The following SYN3 variants were observed in gnomAD, a reference collection of about 807,000 sequenced individuals.
SYN3 encodes the protein synapsin III.
SYN3 carries 35 observed loss-of-function variants against 65.8 expected under a neutral mutation model. The ratio of observed to expected loss-of-function variants is 0.53; its 90% CI spans 0.41 to 0.70. The LOEUF is 0.70. SYN3 is among the 30% of genes least tolerant of loss of function. SYN3 has a pLI of 0.00. For missense variants in SYN3, 680 were observed against 749.0 expected, an observed-to-expected ratio of 0.91 and a Z score of 1.08; for synonymous variants, 270 against 292.9, an observed-to-expected ratio of 0.92 and a Z score of 0.80.
intron 2 of SYN3, among the ~76,000 whole-genome samples, chr22:32,988,855 A>C (rs191786615): frequency 1.5e-4 from 23 of 152,166 alleles, no homozygotes; most frequent in Admixed American, 1.4e-3. Context: ...AGAGAAATGA[A>C]TGTTCCTGGG....
At chr22:32,779,186 A>G (rs755852735) in intron 6 of SYN3, among the ~76,000 whole-genome samples, 11 of 152,214 alleles carry the variant, frequency 7.2e-5, no homozygotes, top group Non-Finnish European at 1.2e-4. Flanking sequence ...CCAGCCGGGC[A>G]TGGTGGCTCA....
chr22:32,514,771 C>G (rs2057743315), intron 13 of SYN3: 1 of 152,552 alleles, frequency 6.6e-6, no homozygotes, highest in Non-Finnish European at 1.5e-5. Context: ...AATCCCAGCA[C>G]TTTGGGAGGC....
At chr22:32,738,690 G>GA (rs893049955) in intron 6 of SYN3, among the ~76,000 whole-genome samples, 42 of 152,306 alleles carry the variant, frequency 2.8e-4, no homozygotes, top group Middle Eastern at 3.4e-3. Context: ...CCAGAGAAGG[G>GA]AAAACAGAAC....
At chr22:32,687,863 G>A (rs890723238) in intron 6 of SYN3, among the ~76,000 whole-genome samples, 6 of 152,176 alleles carry the variant, frequency 3.9e-5, no homozygotes, top group African/African-American at 1.2e-4. Flanking sequence ...TGCCATGTAA[G>A]TGTCGGCTGT....
intron 13 of SYN3, among the ~76,000 whole-genome samples, chr22:32,517,039 G>A (rs2057790353): frequency 6.6e-6 from 1 of 152,212 alleles, no homozygotes; most frequent in African/African-American, 2.4e-5. Flanking sequence ...AGATGGGCCT[G>A]AGAGGAAACA....
chr22:32,557,098 G>A (rs1343353015), intron 7 of SYN3, among the ~76,000 whole-genome samples: 2 of 152,166 alleles, frequency 1.3e-5, no homozygotes. Flanking sequence ...GTTAGTTAGT[G>A]AGAGTAAGCT....
At chr22:32,886,424 G>A (rs905185957) in intron 4 of SYN3, among the ~76,000 whole-genome samples, 4 of 152,242 alleles carry the variant, frequency 2.6e-5, no homozygotes, top group Admixed American at 6.5e-5. Context: ...TTAGGATCCC[G>A]GCTCCCCCAG....
chr22:33,020,883 T>C (rs1229085153), intron 1 of SYN3, among the ~76,000 whole-genome samples: 1 of 152,192 alleles, frequency 6.6e-6, no homozygotes, highest in Non-Finnish European at 1.5e-5. Flanking sequence ...TCGAGAAAAT[T>C]ACTTAGCCTC....
intron 4 of SYN3, among the ~76,000 whole-genome samples, chr22:32,927,809 A>T (rs1457721119): frequency 6.6e-6 from 1 of 152,066 alleles, no homozygotes; most frequent in Non-Finnish European, 1.5e-5. Flanking sequence ...TCCCTTTGTG[A>T]AGGTCTGTAA....
chr22:32,667,540 G>T (rs1236361692), intron 6 of SYN3, among the ~76,000 whole-genome samples: 1 of 152,084 alleles, frequency 6.6e-6, no homozygotes, highest in African/African-American at 2.4e-5. Context: ...TAGGTTTTTG[G>T]GTAGGTCAAG....
intron 6 of SYN3, among the ~76,000 whole-genome samples, chr22:32,619,607 A>G (rs894043208): frequency 5.9e-5 from 9 of 152,152 alleles, no homozygotes; most frequent in Admixed American, 3.3e-4. Context: ...CACAGTCCCA[A>G]CTCATGTTAG....
intron 3 of SYN3, among the ~76,000 whole-genome samples, chr22:32,973,015 T>C (rs2052067754): frequency 6.6e-6 from 1 of 151,954 alleles, no homozygotes; most frequent in South Asian, 2.1e-4. Context: ...TCTCAAAAAC[T>C]AAACAAAACA....
chr22:32,990,334 A>ATCCATCCG (rs2052666097), intron 2 of SYN3, among the ~76,000 whole-genome samples: 3 of 151,410 alleles, frequency 2.0e-5, no homozygotes, highest in Non-Finnish European at 4.4e-5. Flanking sequence ...CCATCCATCC[A>ATCCATCCG]TCCATCCATC....
At chr22:33,021,035 G>C (rs1302716463) in intron 1 of SYN3, among the ~76,000 whole-genome samples, 1 of 152,128 alleles carries the variant, frequency 6.6e-6, no homozygotes, top group African/African-American at 2.4e-5. Flanking sequence ...TTATTATTCC[G>C]ATTTTTTTTT....
At chr22:32,619,349 TACC>T (rs1370750191) in intron 6 of SYN3, among the ~76,000 whole-genome samples, 42 of 152,200 alleles carry the variant, frequency 2.8e-4, no homozygotes, top group African/African-American at 9.9e-4. Flanking sequence ...TGCTAATAAA[TACC>T]AGCCTTTGAT....
At chr22:32,998,789 A>AAAC (rs147925647) in intron 2 of SYN3, among the ~76,000 whole-genome samples, 10 of 141,572 alleles carry the variant, frequency 7.1e-5, no homozygotes, top group Middle Eastern at 3.6e-3. Context: ...AAAAAAAAAA[A>AAAC]AAAAAAAAAA....
In SYN3 at chr22:33,028,675, G is replaced by GGTGGTGGTGGTT. The variant is rs2053686923; in HGVS notation, c.-162-21852_-162-21851insAACCACCACCAC. 7.1e-4 allele frequency among the ~76,000 whole-genome samples: 75 copies of GGTGGTGGTGGTT among 106,074 alleles called. 1 individual carries two copies. Among genetic ancestry groups the GGTGGTGGTGGTT allele is most frequent in the African/African-American group, 2.7e-3 (73 of 27,310 alleles). 69.6% of individuals were successfully genotyped at this position (106,074 alleles called of 152,430 possible). ...TGGTGGTGGTGGTGGTGGTGGTGGT[G>GGTGGTGGTGGTT]GTGGTGGTGGTGGTGATGGTGGTGG... On this transcript the variant is annotated intron_variant, in intron 1 of 13. Transcript: ENST00000358763.
intron 2 of SYN3, among the ~76,000 whole-genome samples, chr22:32,991,925 G>C (rs1042800822): frequency 1.3e-5 from 2 of 152,236 alleles, no homozygotes; most frequent in African/African-American, 4.8e-5. Context: ...GGGCTTCCTA[G>C]ACGTTCTGTA....
intron 7 of SYN3, among the ~76,000 whole-genome samples, chr22:32,547,435 C>A (rs537471736): frequency 6.6e-6 from 1 of 152,266 alleles, no homozygotes; most frequent in South Asian, 2.1e-4. Flanking sequence ...GACCTCTTTT[C>A]AATGTTGCCA....
Sources: allele counts gnomAD v4.1 joint callset (sites outside exome capture counted in the v4.1 genomes callset), GRCh38; gene constraint gnomAD v4.1.1; transcripts MANE v1.5; gene names NCBI Gene and HGNC (gene_info 2026-07-23, HGNC 2026-07-21).